SNTG2: variants seen among roughly 807,000 people sequenced by gnomAD.
SNTG2 encodes the protein gamma-2-syntrophin.
A neutral mutation model predicts 70.9 loss-of-function variants in SNTG2; 74 were observed. The ratio of observed to expected loss-of-function variants is 1.04; its 90% CI spans 0.86 to 1.27. The LOEUF is 1.27. Ranked by LOEUF, SNTG2 falls within the 50% of genes most tolerant of loss-of-function variation. The probability of loss-of-function intolerance (pLI) is 0.00; values close to 1 mark genes in which losing one functional copy is unlikely to be tolerated. For synonymous variants in SNTG2, 278 were observed against 273.8 expected (o/e 1.02, Z -0.15); for missense variants, 717 against 690.7 (o/e 1.04, Z -0.43).
chr2:1,196,926 A>C (rs1672944324), intron 8 of SNTG2, among the ~76,000 whole-genome samples: 1 of 152,192 alleles, frequency 6.6e-6, no homozygotes, highest in African/African-American at 2.4e-5. Flanking sequence ...CATCATGAAA[A>C]AACATGAAAG....
At chr2:1,331,329 C>G (rs1293020268) in intron 16 of SNTG2, among the ~76,000 whole-genome samples, 3 of 152,174 alleles carry the variant, frequency 2.0e-5, no homozygotes, top group Non-Finnish European at 4.4e-5. Context: ...TAAAAGCATG[C>G]TGTGTAAATT....
Position 1,083,505 on chromosome 2 carries a change from T to G in SNTG2, c.73-13T>G. On this transcript the variant is annotated splice_polypyrimidine_tract_variant and intron_variant, in intron 1 of 16. Transcript: ENST00000308624. Reference sequence around the variant, plus strand: ...TCACACCATTTTTTTGTGTTTCCACTTTGTCCCTACAGACGAAAACCACTA... The same window carrying G: ...TCACACCATTTTTTTGTGTTTCCACGTTGTCCCTACAGACGAAAACCACTA... The G allele has an allele frequency of 6.2e-7, 1 of 1,613,406 alleles. No homozygotes were observed. Among genetic ancestry groups the G allele is most frequent in the South Asian group, 1.1e-5 (1 of 91,046 alleles).
intron 4 of SNTG2, among the ~76,000 whole-genome samples, chr2:1,121,700 T>G (rs994835824): frequency 6.6e-6 from 1 of 152,208 alleles, no homozygotes; most frequent in East Asian, 1.9e-4. Context: ...AGCTACCACT[T>G]GTAGAACCAT....
chr2:1,132,246 T>C (rs62107446), intron 4 of SNTG2, among the ~76,000 whole-genome samples: 71,806 of 151,004 alleles, frequency 0.48, 19,342 homozygotes, highest in Non-Finnish European at 0.61. Flanking sequence ...TGTATATATA[T>C]ACACACACAC....
At chr2:1,330,226 C>G (rs1572991207) in intron 16 of SNTG2, among the ~76,000 whole-genome samples, 1 of 152,088 alleles carries the variant, frequency 6.6e-6, no homozygotes, top group African/African-American at 2.4e-5. Context: ...TACATGGGTC[C>G]CCTAAAAGGT....
chr2:960,141 G>C (rs938245491), intron 1 of SNTG2, among the ~76,000 whole-genome samples: 1 of 152,202 alleles, frequency 6.6e-6, no homozygotes, highest in African/African-American at 2.4e-5. Flanking sequence ...TCCCGTAGGA[G>C]GGGGCTCTGT....
At chr2:1,297,559 G>T (rs549992579) in intron 14 of SNTG2, among the ~76,000 whole-genome samples, 1 of 149,988 alleles carries the variant, frequency 6.7e-6, no homozygotes, top group African/African-American at 2.5e-5. Context: ...CAGCAGCCCA[G>T]CCCGGCGCCT....
At chr2:1,235,582 GA>G (rs58581617) in intron 9 of SNTG2, among the ~76,000 whole-genome samples, 6,093 of 66,238 alleles carry the variant, frequency 0.092, 428 homozygotes, top group African/African-American at 0.2. Flanking sequence ...TGAGAGGGGG[GA>G]CCCCTGCCCC....
At chr2:1,246,267 A>G (rs1327716923) in intron 11 of SNTG2, among the ~76,000 whole-genome samples, 1 of 152,220 alleles carries the variant, frequency 6.6e-6, no homozygotes, top group South Asian at 2.1e-4. Flanking sequence ...TCCCATTGCT[A>G]GAAATACCGT....
At chr2:1,147,999 C>T (rs150242816) in intron 6 of SNTG2, among the ~76,000 whole-genome samples, 3 of 152,264 alleles carry the variant, frequency 2.0e-5, no homozygotes, top group Admixed American at 6.5e-5. Context: ...TTATAAGGAC[C>T]GAAGTAGTAA....
intron 16 of SNTG2, among the ~76,000 whole-genome samples, chr2:1,364,779 A>G (rs1382241486): frequency 6.6e-6 from 1 of 150,532 alleles, no homozygotes; most frequent in East Asian, 1.9e-4. Flanking sequence ...GTGTGGTCAC[A>G]GGCACCTATA....
intron 14 of SNTG2, among the ~76,000 whole-genome samples, chr2:1,269,927 T>C (rs1678932058): frequency 6.6e-6 from 1 of 152,078 alleles, no homozygotes; most frequent in South Asian, 2.1e-4. Flanking sequence ...AGTGGGGCTG[T>C]GGGGGCCGTG....
chr2:1,193,638 A>G (rs1456832160), intron 8 of SNTG2, among the ~76,000 whole-genome samples: 1 of 152,156 alleles, frequency 6.6e-6, no homozygotes, highest in East Asian at 1.9e-4. Flanking sequence ...CATTTTGGAC[A>G]TGGGTTTCCA....
rs570972481 is a variant in SNTG2, at chr2:1,099,027, G to A, written c.325+617G>A. 1.2e-4 allele frequency among the ~76,000 whole-genome samples: 18 copies of A among 152,284 alleles called. No individual in the cohort carries two copies. In the South Asian group the frequency reaches 2.5e-3, roughly 21 times the overall value. ...ATTTCTGGCCACACATTCCACTATC[G>A]GGTAGACTGTTTCTCATACAATTCG... is the stretch of plus-strand genomic sequence containing the variant. On this transcript the variant is annotated intron_variant, in intron 4 of 16. Coordinates refer to ENST00000308624, the MANE Select transcript of SNTG2 (RefSeq NM_018968.4).
chr2:988,924 T>G (rs1408994557), intron 1 of SNTG2, among the ~76,000 whole-genome samples: 1 of 152,244 alleles, frequency 6.6e-6, no homozygotes, highest in Non-Finnish European at 1.5e-5. Flanking sequence ...CAGCCATGTT[T>G]TACAATTTTC....
chr2:1,202,954 C>A (rs1188523909), intron 8 of SNTG2, among the ~76,000 whole-genome samples: 3 of 152,058 alleles, frequency 2.0e-5, no homozygotes, highest in Non-Finnish European at 2.9e-5. Flanking sequence ...ACAGAGAAAT[C>A]CACAATCAAA....
chr2:980,832 TA>T (rs1414585766), intron 1 of SNTG2, among the ~76,000 whole-genome samples: 3 of 152,218 alleles, frequency 2.0e-5, no homozygotes, highest in African/African-American at 4.8e-5. Flanking sequence ...GGTTAGATAA[TA>T]AAGGATAGTA....
chr2:1,187,145 T>A (rs1222707293), intron 8 of SNTG2, among the ~76,000 whole-genome samples: 5 of 152,232 alleles, frequency 3.3e-5, no homozygotes, highest in Non-Finnish European at 7.3e-5. Context: ...GATAATTTTC[T>A]GGAGATAAAA....
intron 8 of SNTG2, among the ~76,000 whole-genome samples, chr2:1,176,269 G>T (rs149722608): frequency 1.3e-5 from 2 of 152,204 alleles, no homozygotes; most frequent in Non-Finnish European, 2.9e-5. Context: ...GTTTTAGAAG[G>T]CTATCAAGAC....
Sources: allele counts gnomAD v4.1 joint callset (sites outside exome capture counted in the v4.1 genomes callset), GRCh38; gene constraint gnomAD v4.1.1; transcripts MANE v1.5; gene names NCBI Gene and HGNC (gene_info 2026-07-23, HGNC 2026-07-21).